COL4A6: variants seen among roughly 807,000 people sequenced by gnomAD.
COL4A6 encodes collagen type IV alpha 6 chain.
In COL4A6, 59 loss-of-function variants were observed where a neutral mutation model predicts 126.7. The observed-to-expected ratio is 0.47, with a 90% CI of 0.38 to 0.58. COL4A6 has a LOEUF of 0.58. Ranked by LOEUF, COL4A6 falls within the 20% of genes least tolerant of loss-of-function variation. The pLI is 0.00. For missense variants in COL4A6, 1,285 were observed against 1,337.3 expected (o/e 0.96, Z 0.61); for synonymous variants, 547 against 496.6 (o/e 1.10, Z -1.35).
At chrX:108,215,023 GAGA>G (rs1339158409) in intron 5 of COL4A6, among the ~76,000 whole-genome samples, 2 of 111,635 alleles carry the variant, frequency 1.8e-5, no homozygotes, top group African/African-American at 6.5e-5. Context: ...ATGGAGCAAA[GAGA>G]TGACCAGAAA....
chrX:108,400,387 A>T (rs772427927), intron 2 of COL4A6, among the ~76,000 whole-genome samples: 1 of 111,488 alleles, frequency 9.0e-6, no homozygotes, highest in South Asian at 3.8e-4. Context: ...GTAATAGATT[A>T]AATTATCAGC....
intron 2 of COL4A6, among the ~76,000 whole-genome samples, chrX:108,321,283 G>C (rs762314196): frequency 8.9e-6 from 1 of 111,939 alleles, no homozygotes; most frequent in South Asian, 3.7e-4. Flanking sequence ...TTAAGTATCA[G>C]AGTGGGGATA....
chrX:108,170,312 C>T (rs2034261742), intron 35 of COL4A6, among the ~76,000 whole-genome samples: 1 of 112,175 alleles, frequency 8.9e-6, no homozygotes, highest in Non-Finnish European at 1.9e-5. Flanking sequence ...GAGTTGTCAG[C>T]TCCCAGAGAC....
At chrX:108,333,876 A>G (rs1276222379) in intron 2 of COL4A6, among the ~76,000 whole-genome samples, 1 of 111,379 alleles carries the variant, frequency 9.0e-6, no homozygotes, top group African/African-American at 3.3e-5. Context: ...ACTACAAAAC[A>G]CTGGTGAAAG....
chrX:108,402,653 C>T (rs1481616262), intron 2 of COL4A6, among the ~76,000 whole-genome samples: 1 of 110,697 alleles, frequency 9.0e-6, no homozygotes, highest in Non-Finnish European at 1.9e-5. Context: ...TCATTACATG[C>T]TACAAGTTTT....
chrX:108,346,283 T>C (rs770793113), intron 2 of COL4A6, among the ~76,000 whole-genome samples: 1 of 111,711 alleles, frequency 9.0e-6, no homozygotes, highest in East Asian at 2.8e-4. Flanking sequence ...AGAGAATATA[T>C]TAGTATTTCC....
In COL4A6 at chrX:108,206,233, A is replaced by C. The variant is rs776911795; in HGVS notation, c.609+285T>G. ...TACCTGTCATGGGTGAGGAAATGGA[A>C]GGTGGCAAGAAATGTGTCAGGGATC... On this transcript the variant is annotated intron_variant, in intron 9 of 44. Transcript: ENST00000334504. Among the ~76,000 whole-genome samples the C allele has an allele frequency of 4.5e-5, 5 of 111,738 alleles. No homozygotes were observed. The South Asian group carries it at 1.9e-3, about 42-fold the overall frequency.
At chrX:108,186,465 G>A (rs141321595) in intron 23 of COL4A6, among the ~76,000 whole-genome samples, 287 of 112,212 alleles carry the variant, frequency 2.6e-3, no homozygotes, top group Non-Finnish European at 4.9e-3. Flanking sequence ...TAGAAGTTGT[G>A]GAAACCCAAA....
chrX:108,281,479 C>T (rs2037825151), intron 3 of COL4A6, among the ~76,000 whole-genome samples: 1 of 103,400 alleles, frequency 9.7e-6, no homozygotes, highest in African/African-American at 3.5e-5. Context: ...CAAACCACTG[C>T]TCAAGGAAAT....
At chrX:108,192,368 AC>A (rs1429944927) in intron 18 of COL4A6, 104 bp downstream of exon 18, 1 of 516,433 alleles carries the variant, frequency 1.9e-6, no homozygotes, top group African/African-American at 2.3e-5. Context: ...CTCTTGTTTG[AC>A]TTTGGCTAGG....
intron 2 of COL4A6, chrX:108,383,642 T>G (rs1314288179): frequency 3.1e-5 from 17 of 542,311 alleles, no homozygotes; most frequent in Non-Finnish European, 5.4e-5. Context: ...GCTGACCAAT[T>G]TAAGGGGAAA....
chrX:108,411,034 A>G (rs1451652697), intron 2 of COL4A6, among the ~76,000 whole-genome samples: 3 of 112,754 alleles, frequency 2.7e-5, no homozygotes, highest in Non-Finnish European at 5.6e-5. Context: ...GTCAAAGGGT[A>G]AAACAATCAA....
intron 2 of COL4A6, among the ~76,000 whole-genome samples, chrX:108,331,081 G>A (rs1482620459): frequency 4.5e-5 from 5 of 111,381 alleles, no homozygotes; most frequent in Non-Finnish European, 7.5e-5. Context: ...TTATTTTCCC[G>A]CCTTGACCTA....
intron 3 of COL4A6, among the ~76,000 whole-genome samples, chrX:108,252,544 T>C (rs1255926617): frequency 1.8e-5 from 2 of 111,348 alleles, no homozygotes; most frequent in South Asian, 3.8e-4. Context: ...AAAGAAAAGC[T>C]CAGGACCTGA....
intron 2 of COL4A6, among the ~76,000 whole-genome samples, chrX:108,393,140 C>T (rs766980540): frequency 8.1e-5 from 9 of 111,298 alleles, no homozygotes; most frequent in Non-Finnish European, 1.5e-4. Context: ...TAGGTATATA[C>T]TCAAGAGGAA....
chrX:108,397,340 T>C (rs2040988194), intron 2 of COL4A6, among the ~76,000 whole-genome samples: 1 of 111,400 alleles, frequency 9.0e-6, no homozygotes, highest in African/African-American at 3.3e-5. Context: ...CCTCATCCTC[T>C]CCAAAAGTGG....
In COL4A6 at chrX:108,219,857, C is replaced by G. The variant is rs1332576314; in HGVS notation, c.280-115G>C. 198 of 499,010 alleles carry G rather than the reference C, an allele frequency of 4.0e-4. 1 individual carries two copies. In the East Asian group the frequency reaches 6.7e-3, roughly 17 times the overall value. 41.1% of individuals were successfully genotyped at this position (499,010 alleles called of 1,213,427 possible). A position where few individuals can be genotyped will look rare whatever the true frequency, so the allele number is the denominator to read the frequency against. On this transcript the variant is annotated intron_variant, in intron 4 of 44. Coordinates refer to ENST00000334504, the MANE Select transcript of COL4A6 (RefSeq NM_033641.4). Reference sequence around the variant, plus strand: ...TTTTTAAGAAGTGTTTCGTACCCCCCTCCCCATATTGTATTCCCTTGATTC... The same window carrying G: ...TTTTTAAGAAGTGTTTCGTACCCCCGTCCCCATATTGTATTCCCTTGATTC...
At chrX:108,183,510 C>T (rs1331304992) in intron 23 of COL4A6, among the ~76,000 whole-genome samples, 1 of 111,438 alleles carries the variant, frequency 9.0e-6, no homozygotes, top group African/African-American at 3.3e-5. Flanking sequence ...CACTCAATCC[C>T]GTACTGCCTG....
In COL4A6 at chrX:108,175,691, C is replaced by T; in HGVS notation, c.2793G>A (p.Met931Ile). Residue 931 changes from methionine (M) to isoleucine (I), a missense_variant, in exon 29 of 45, where the codon ATG becomes ATA. By Grantham distance (10) the Met-to-Ile change is conservative. Transcript: ENST00000334504. ...GAGTACCAGCACGTCCAGATGGTCC[C>T]ATTTTTCCAGTTGATCCTGGAATTC... The part of the protein sequence containing the change: ...LKGIPGSTGK[M>I]GPSGRAGTPG... The T allele has an allele frequency of 8.3e-7, 1 of 1,207,204 alleles. No homozygotes were observed. Among genetic ancestry groups the T allele is most frequent in the Non-Finnish European group, 1.1e-6 (1 of 891,879 alleles).
Sources: gnomAD v4.1 joint callset for allele counts (sites outside exome capture counted in the v4.1 genomes callset) on GRCh38, gnomAD v4.1.1 for gene constraint, MANE v1.5 for transcripts, NCBI Gene and HGNC (gene_info 2026-07-23, HGNC 2026-07-21) for gene names.